MGST2: variants seen among roughly 807,000 people sequenced by gnomAD.
The protein encoded by MGST2 is microsomal glutathione S-transferase 2.
In MGST2, 9 loss-of-function variants were observed where a neutral mutation model predicts 16.6. The ratio of observed to expected loss-of-function variants is 0.54; its 90% CI spans 0.33 to 0.95. The LOEUF (loss-of-function observed/expected upper bound fraction) is 0.95, where lower values mean the gene tolerates loss of function less well. MGST2 is among the 40% of genes least tolerant of loss of function. The probability of loss-of-function intolerance (pLI) is 0.03; values close to 1 mark genes in which losing one functional copy is unlikely to be tolerated. For synonymous variants in MGST2, 79 were observed against 68.0 expected (o/e 1.16, Z -0.79); for missense variants, 159 against 175.1 (o/e 0.91, Z 0.52).
At chr4:139,720,344 C>T in intron 5 of MGST2, 2 of 1,512,256 alleles carry the variant, frequency 1.3e-6, no homozygotes, top group South Asian at 1.3e-5. Flanking sequence ...AAAGAGGACA[C>T]ATACCACTCA....
intron 1 of MGST2, among the ~76,000 whole-genome samples, chr4:139,671,993 C>T (rs1219302889): frequency 6.6e-6 from 1 of 152,142 alleles, no homozygotes; most frequent in Non-Finnish European, 1.5e-5. Flanking sequence ...TGAGGCCCCT[C>T]ACCTGAGAGA....
chr4:139,667,947 G>A (rs576315262), intron 1 of MGST2, among the ~76,000 whole-genome samples: 7 of 152,172 alleles, frequency 4.6e-5, no homozygotes, highest in Non-Finnish European at 1.0e-4. Context: ...ACGAGTGGCC[G>A]GTGACACAGC....
intron 5 of MGST2, among the ~76,000 whole-genome samples, chr4:139,711,823 C>G (rs1391310800): frequency 6.6e-6 from 1 of 152,062 alleles, no homozygotes; most frequent in Non-Finnish European, 1.5e-5. Context: ...ATAAGAGAAC[C>G]TTTAATCCTA....
intron 2 of MGST2, among the ~76,000 whole-genome samples, chr4:139,681,671 C>A (rs1172705270): frequency 2.0e-5 from 3 of 152,046 alleles, no homozygotes; most frequent in African/African-American, 7.2e-5. Flanking sequence ...TTTAAAAATT[C>A]TCTGTAACAT....
At chr4:139,753,129 A>G in the MGST2 span, among the ~76,000 whole-genome samples, 2 of 152,148 alleles carry the variant, frequency 1.3e-5, no homozygotes, top group African/African-American at 2.4e-5. Context: ...CTCAATTCCT[A>G]TTTTCCTTCT....
intron 1 of MGST2, among the ~76,000 whole-genome samples, chr4:139,672,619 C>T (rs1730759564): frequency 6.6e-6 from 1 of 150,908 alleles, no homozygotes; most frequent in African/African-American, 2.4e-5. Flanking sequence ...GGTGCGATCT[C>T]AGCTCACTGC....
At chr4:139,707,830 A>G (rs1415240985), downstream of MGST2, among the ~76,000 whole-genome samples, 1 of 151,526 alleles carries the variant, frequency 6.6e-6, no homozygotes, top group Non-Finnish European at 1.5e-5. Flanking sequence ...TTTTTCATGT[A>G]TTTTTTGGCT....
At chr4:139,736,935 A>G (rs890095413) in intron 5 of MGST2, among the ~76,000 whole-genome samples, 36 of 152,330 alleles carry the variant, frequency 2.4e-4, no homozygotes, top group African/African-American at 8.4e-4. Flanking sequence ...AAAATTTTCA[A>G]AATTTTCAGA....
At chr4:139,725,479 G>C (rs60319597) in intron 5 of MGST2, among the ~76,000 whole-genome samples, 8,521 of 152,180 alleles carry the variant, frequency 0.056, 813 homozygotes, top group African/African-American at 0.2. Flanking sequence ...AAGAACAGCT[G>C]TTCTAGTCCC....
At chr4:139,680,238 T>C (rs1731168666) in intron 2 of MGST2, among the ~76,000 whole-genome samples, 1 of 152,202 alleles carries the variant, frequency 6.6e-6, no homozygotes, top group Non-Finnish European at 1.5e-5. Context: ...TTTATAATTA[T>C]TGTGATTAAG....
At position 139,720,184 on chromosome 4, in the gene MGST2, C is replaced by A. The variant is rs367655171; in HGVS notation, c.*48+15988C>A. 6.8e-6 allele frequency: 11 copies of A among 1,613,906 alleles called. No individual in the cohort carries two copies. In the Admixed American group the frequency reaches 1.5e-4, roughly 22 times the overall value. ...AAGGGGCCAGTCCCATCTCCGACTG[C>A]GCAGCTGCGGTGGCCATCGTCCCAG... On this transcript the variant is annotated intron_variant, in intron 5 of 5. Transcript: ENST00000616265.
chr4:139,668,617 A>AGAGGG (rs1730500238), intron 1 of MGST2, among the ~76,000 whole-genome samples: 1 of 100,788 alleles, frequency 9.9e-6, no homozygotes, highest in Admixed American at 1.1e-4. Context: ...GAGAGAGAGG[A>AGAGGG]GGGGGAGGGG....
intron 2 of MGST2, among the ~76,000 whole-genome samples, chr4:139,683,322 G>A (rs1207053699): frequency 3.3e-5 from 5 of 152,276 alleles, no homozygotes; most frequent in African/African-American, 9.6e-5. Context: ...TGTGAGAACA[G>A]TCAAGAATGA....
At chr4:139,726,161 T>G (rs1481106813) in intron 5 of MGST2, among the ~76,000 whole-genome samples, 1 of 152,242 alleles carries the variant, frequency 6.6e-6, no homozygotes. Flanking sequence ...TTATGTCTGC[T>G]TTTGTACTTT....
At chr4:139,712,579 A>G (rs1727783314) in intron 5 of MGST2, among the ~76,000 whole-genome samples, 1 of 152,180 alleles carries the variant, frequency 6.6e-6, no homozygotes, top group Non-Finnish European at 1.5e-5. Context: ...CTCAGATAAG[A>G]CTTTTTAAAA....
intron 2 of MGST2, among the ~76,000 whole-genome samples, chr4:139,686,178 G>A (rs1731553658): frequency 6.6e-6 from 1 of 152,164 alleles, no homozygotes; most frequent in South Asian, 2.1e-4. Context: ...GGAGCAGGGG[G>A]CTTCCAGCTT....
chr4:139,699,418 G>A (rs115091677), intron 3 of MGST2, among the ~76,000 whole-genome samples: 3,830 of 152,150 alleles, frequency 0.025, 119 homozygotes, highest in African/African-American at 0.071. Flanking sequence ...GTAAAAATTT[G>A]CGTATATTTT....
Position 139,695,246 on chromosome 4 carries a change from G to T in MGST2, c.208G>T (p.Ala70Ser), listed in dbSNP as rs770784272. Residue 70 changes from alanine (A) to serine (S), a missense_variant, in exon 3 of 5, where the codon GCT becomes TCT. By Grantham distance (99) the Ala-to-Ser change is moderately conservative (BLOSUM62 1). Transcript: ENST00000265498. ...TATATTCATAATTACATTGTGGATG[G>T]CTGGGTGGTATTTCAACCAAGGTAA... ...YPIFIITLWM[A>S]GWYFNQVFAT... 26 of 1,612,898 alleles carry T rather than the reference G, an allele frequency of 1.6e-5. No homozygotes were observed. The highest frequency in any genetic ancestry group is 1.6e-5 in the Non-Finnish European group (19 of 1,179,014).
At chr4:139,681,223 G>T (rs924542456) in intron 2 of MGST2, among the ~76,000 whole-genome samples, 8 of 152,188 alleles carry the variant, frequency 5.3e-5, no homozygotes, top group African/African-American at 1.9e-4. Context: ...TCACCATGTT[G>T]CCCAGTCTGG....
Sources: gnomAD v4.1 joint callset for allele counts (sites outside exome capture counted in the v4.1 genomes callset) on GRCh38, gnomAD v4.1.1 for gene constraint, MANE v1.5 for transcripts, NCBI Gene and HGNC (gene_info 2026-07-23, HGNC 2026-07-21) for gene names.